TENM3: variants seen among roughly 807,000 people sequenced by gnomAD.
TENM3 encodes teneurin transmembrane protein 3.
In TENM3, 63 loss-of-function variants were observed where a neutral mutation model predicts 255.1. The ratio of observed to expected loss-of-function variants is 0.25; its 90% CI spans 0.20 to 0.30. The LOEUF (loss-of-function observed/expected upper bound fraction) is 0.30, where lower values mean the gene tolerates loss of function less well. Ranked by LOEUF, TENM3 falls within the 10% of genes least tolerant of loss-of-function variation. The pLI, the probability that TENM3 is intolerant of heterozygous loss-of-function variation, is 1.00. For synonymous variants in TENM3, 1,306 were observed against 1,322.3 expected (o/e 0.99, Z 0.27); for missense variants, 2,929 against 3,461.1 (o/e 0.85, Z 3.86).
intron 5 of TENM3, among the ~76,000 whole-genome samples, chr4:182,643,808 T>G (rs1752514160): frequency 6.6e-6 from 1 of 152,200 alleles, no homozygotes; most frequent in Admixed American, 6.5e-5. Flanking sequence ...GAATGTGAAG[T>G]GAATTGCAAG....
intron 24 of TENM3, among the ~76,000 whole-genome samples, chr4:182,780,208 A>C (rs549916696): frequency 1.1e-4 from 17 of 151,432 alleles, no homozygotes; most frequent in African/African-American, 3.9e-4. Flanking sequence ...TTAAGTCTTT[A>C]ATCCATCTTG....
the TENM3 span, among the ~76,000 whole-genome samples, chr4:181,735,999 T>A: frequency 6.6e-6 from 1 of 152,202 alleles, no homozygotes; most frequent in Non-Finnish European, 1.5e-5. Context: ...TTATAACATA[T>A]TCTAATAAGA....
At chr4:182,212,535 T>C (rs1215028132) in intron 1 of TENM3, among the ~76,000 whole-genome samples, 4 of 152,158 alleles carry the variant, frequency 2.6e-5, no homozygotes, top group Admixed American at 2.6e-4. Flanking sequence ...AAAAAAAAAT[T>C]TATGTCAAGT....
intron 3 of TENM3, among the ~76,000 whole-genome samples, chr4:182,401,559 C>A (rs1769216057): frequency 6.6e-6 from 1 of 152,192 alleles, no homozygotes; most frequent in African/African-American, 2.4e-5. Flanking sequence ...AACCTCCAGT[C>A]ATTTCCACTG....
intron 1 of TENM3, among the ~76,000 whole-genome samples, chr4:182,154,154 TAAAAG>T (rs1561143507): frequency 2.0e-5 from 3 of 152,008 alleles, no homozygotes; most frequent in African/African-American, 7.2e-5. Context: ...TTTTTTTCCT[TAAAAG>T]AAAGATCTCA....
At chr4:182,721,060 G>A (rs1363373272) in intron 13 of TENM3, among the ~76,000 whole-genome samples, 7 of 152,140 alleles carry the variant, frequency 4.6e-5, no homozygotes, top group South Asian at 2.1e-4. Flanking sequence ...GAGCCACCAC[G>A]CCCGGCCTAA....
chr4:181,849,949 T>TCTCTCACACACACACACACACACA, the TENM3 span, among the ~76,000 whole-genome samples: 535 of 65,906 alleles, frequency 8.1e-3, 11 homozygotes, highest in Non-Finnish European at 0.013. Flanking sequence ...TCTCTCTCTC[T>TCTCTCACACACACACACACACACA]CACACACACA....
the TENM3 span, among the ~76,000 whole-genome samples, chr4:181,991,939 T>G: frequency 6.6e-6 from 1 of 152,168 alleles, no homozygotes; most frequent in East Asian, 1.9e-4. Flanking sequence ...TACTTATATG[T>G]CCCTAGGGAA....
At chr4:181,565,593 G>A in the TENM3 span, among the ~76,000 whole-genome samples, 1 of 152,222 alleles carries the variant, frequency 6.6e-6, no homozygotes, top group Non-Finnish European at 1.5e-5. Flanking sequence ...GCTGAAGGGT[G>A]AGTATCAGGG....
At chr4:181,971,552 G>A in the TENM3 span, among the ~76,000 whole-genome samples, 1 of 151,300 alleles carries the variant, frequency 6.6e-6, no homozygotes, top group Non-Finnish European at 1.5e-5. Context: ...GGAAGTTGTT[G>A]GGTATTTGGT....
At chr4:181,627,591 T>C in the TENM3 span, among the ~76,000 whole-genome samples, 3 of 152,116 alleles carry the variant, frequency 2.0e-5, no homozygotes, top group African/African-American at 7.2e-5. Flanking sequence ...CGGTGTTTGG[T>C]TTTTTGTTCT....
chr4:182,220,402 A>AAAAAAT (rs1755781578), intron 1 of TENM3, among the ~76,000 whole-genome samples: 1 of 146,432 alleles, frequency 6.8e-6, no homozygotes, highest in Admixed American at 6.8e-5. Context: ...AAAAAAAAAA[A>AAAAAAT]GTCGGCTTGA....
intron 3 of TENM3, among the ~76,000 whole-genome samples, chr4:182,532,373 A>G (rs1739861816): frequency 6.6e-6 from 1 of 152,180 alleles, no homozygotes. Flanking sequence ...TACTGGTGGC[A>G]TTGATGTTAA....
At chr4:182,623,304 C>G (rs776108802) in intron 4 of TENM3, among the ~76,000 whole-genome samples, 3 of 151,280 alleles carry the variant, frequency 2.0e-5, no homozygotes, top group African/African-American at 7.3e-5. Context: ...TGAGCCACCA[C>G]GTCTGACCCT....
At chr4:182,770,124 A>C (rs1345785936) in intron 22 of TENM3, among the ~76,000 whole-genome samples, 1 of 148,810 alleles carries the variant, frequency 6.7e-6, no homozygotes, top group African/African-American at 2.5e-5. Flanking sequence ...AAAAAAAAAC[A>C]GTTCTTTTGA....
At chr4:182,125,109 C>T in the TENM3 span, among the ~76,000 whole-genome samples, 6 of 132,348 alleles carry the variant, frequency 4.5e-5, no homozygotes, top group South Asian at 6.1e-4. Context: ...AGCGCATCCA[C>T]GCTGTGTGTG....
chr4:182,637,292 A>T (rs572074102), intron 5 of TENM3, among the ~76,000 whole-genome samples: 1 of 152,222 alleles, frequency 6.6e-6, no homozygotes, highest in East Asian at 1.9e-4. Context: ...TTAAATTTGT[A>T]TAGAGTTTGT....
chr4:181,923,206 A>T, the TENM3 span, among the ~76,000 whole-genome samples: 1 of 152,094 alleles, frequency 6.6e-6, no homozygotes, highest in African/African-American at 2.4e-5. Flanking sequence ...AAAAATATAT[A>T]TTCTGTTGAT....
the TENM3 span, among the ~76,000 whole-genome samples, chr4:182,052,279 G>T: frequency 4.4e-3 from 667 of 152,198 alleles, 1 homozygote; most frequent in Admixed American, 9.9e-3. Context: ...CAATCAAAGA[G>T]CCCAGCTAGA....
Sources: gnomAD v4.1 joint callset for allele counts (sites outside exome capture counted in the v4.1 genomes callset) on GRCh38, gnomAD v4.1.1 for gene constraint, MANE v1.5 for transcripts, NCBI Gene and HGNC (gene_info 2026-07-23, HGNC 2026-07-21) for gene names.